The following RBM28 variants were observed in gnomAD, a reference collection of about 807,000 sequenced individuals.
The protein encoded by RBM28 is RNA binding motif protein 28.
A neutral mutation model predicts 98.3 loss-of-function variants in RBM28; 78 were observed. The ratio of observed to expected loss-of-function variants is 0.79; its 90% CI spans 0.66 to 0.96. The LOEUF (loss-of-function observed/expected upper bound fraction) is 0.96. RBM28 is among the 40% of genes least tolerant of loss of function. The probability of loss-of-function intolerance (pLI) is 0.00; values close to 1 mark genes in which losing one functional copy is unlikely to be tolerated. For synonymous variants in RBM28, 306 were observed against 330.9 expected (o/e 0.92, Z 0.82); for missense variants, 838 against 913.0 (o/e 0.92, Z 1.06).
intron 18 of RBM28, among the ~76,000 whole-genome samples, chr7:128,312,271 G>C (rs1796001042): frequency 6.6e-6 from 1 of 152,168 alleles, no homozygotes; most frequent in Non-Finnish European, 1.5e-5. Context: ...TACAAAATTA[G>C]CTGGGCATGG....
chr7:128,310,489 G>A lies in RBM28; in HGVS notation c.*308C>T, dbSNP rs1461427956. On this transcript the variant is annotated 3_prime_UTR_variant, in exon 19 of 19. Coordinates refer to ENST00000223073, the MANE Select transcript of RBM28 (RefSeq NM_018077.3). ...TTCAGCACTCCAGAATGCTTTTTCA[G>A]GTGTTTCCATTTGAGAAATAAAGAA... is the stretch of plus-strand genomic sequence containing the variant. 3 of 382,096 alleles carry A rather than the reference G, an allele frequency of 7.9e-6. No homozygotes were observed. The highest frequency in any genetic ancestry group is 1.4e-5 in the Non-Finnish European group (3 of 208,614). 23.7% of individuals were successfully genotyped at this position (382,096 alleles called of 1,614,324 possible).
chr7:128,337,260 A>AG, intron 5 of RBM28, 58 bp from the exon 6 acceptor site: 1 of 1,529,112 alleles, frequency 6.5e-7, no homozygotes, highest in South Asian at 1.1e-5. Context: ...CTACCTCTGT[A>AG]AATGACCCCT....
chr7:128,310,669 T>TCCAA lies in RBM28; in HGVS notation c.*127_*128insTTGG. The TCCAA allele has an allele frequency of 2.4e-6, 3 of 1,263,790 alleles. No homozygotes were observed. The Admixed American group carries it at 5.0e-5, about 21-fold the overall frequency. 78.3% of individuals were successfully genotyped at this position (1,263,790 alleles called of 1,614,324 possible). ...TCAGATGTACACAGTCCAGGGCACC[T>TCCAA]CCGAGCACAGTGGCAGTGCCCTTGG... On this transcript the variant is annotated 3_prime_UTR_variant, in exon 19 of 19. Coordinates refer to ENST00000223073, the MANE Select transcript of RBM28 (RefSeq NM_018077.3).
At position 128,314,927 on chromosome 7, in the gene RBM28, T is replaced by C; in HGVS notation, c.1882A>G (p.Thr628Ala). 1 of 1,614,190 alleles carries C rather than the reference T, an allele frequency of 6.2e-7. No individual in the cohort carries two copies. The highest frequency in any genetic ancestry group is 1.1e-5 in the South Asian group (1 of 91,084). The change falls in exon 17 of 19, where the codon ACA (threonine) becomes GCA (alanine). Residue 628 changes from threonine to alanine, a missense_variant. Thr to Ala is a moderately conservative substitution (Grantham distance 58). Coordinates refer to ENST00000223073, the MANE Select transcript of RBM28 (RefSeq NM_018077.3). ...GGGGGCACCTTGCTTTGTTCCTCTG[T>C]GTGGTGTTGAGCTGCCTTCTGTTGC... ...DQQQKAAQHH[T>A]EEQSKVPPEQ... is the part of the protein sequence containing the mutation.
chr7:128,315,014 T>C lies in RBM28; in HGVS notation c.1795A>G (p.Met599Val). ...ELRIQRSLQK[M>V]RSKPATGEPQ... The stretch of plus-strand genomic sequence containing the variant: ...TCACCAGTTGCAGGCTTGGATCTCA[T>C]TTTTTGCTGCATAAAACAAGAAAAT... The change falls in exon 17 of 19, where the codon ATG becomes GTG. Residue 599 changes from methionine to valine, a missense_variant. Transcript: ENST00000223073. 2.5e-6 allele frequency: 4 copies of C among 1,614,226 alleles called. No homozygotes were observed. The highest frequency in any genetic ancestry group is 3.4e-6 in the Non-Finnish European group (4 of 1,180,032).
intron 18 of RBM28, chr7:128,312,945 G>C: frequency 1.8e-6 from 1 of 564,004 alleles, no homozygotes; most frequent in Non-Finnish European, 3.2e-6. Context: ...ATGTTATGGG[G>C]AATATGTAAA....
chr7:128,310,324 A>AT lies in RBM28; in HGVS notation c.*472_*473insA. The AT allele has an allele frequency of 1.7e-5, 4 of 230,798 alleles. No homozygotes were observed. The highest frequency in any genetic ancestry group is 6.1e-5 in the South Asian group (1 of 16,294). 14.3% of individuals were successfully genotyped at this position (230,798 alleles called of 1,614,324 possible). A position where few individuals can be genotyped will look rare whatever the true frequency, so the allele number is the denominator to read the frequency against. ...TTAGACAGTTCCTGCAGTGTGTAAGACTACAGAGCTGAATTAGGAATGTCA... is the reference window on the plus strand; with the variant it reads ...TTAGACAGTTCCTGCAGTGTGTAAGATCTACAGAGCTGAATTAGGAATGTCA... On this transcript the variant is annotated 3_prime_UTR_variant, in exon 19 of 19. Transcript: ENST00000223073.
rs1795730476 is a variant in RBM28 at position 128,298,048 on chromosome 7, T to G, written c.*12749A>C. The G allele has an allele frequency of 3.2e-5, 1 of 31,540 alleles. No homozygotes were observed. Among genetic ancestry groups the G allele is most frequent in the African/African-American group, 3.9e-5 (1 of 25,928 alleles). 2.0% of individuals were successfully genotyped at this position (31,540 alleles called of 1,614,324 possible). The stretch of plus-strand genomic sequence containing the variant: ...ATATACCTAATGCTAGATGACGAGT[T>G]AGTGGGTGCAGCGACCAGCATGTCA... On this transcript the variant is annotated 3_prime_UTR_variant, in exon 19 of 19. Coordinates refer to ENST00000223073, the MANE Select transcript of RBM28 (RefSeq NM_018077.3).
At position 128,307,734 on chromosome 7, in the gene RBM28, T is replaced by C. The variant is rs1307997022; in HGVS notation, c.*3063A>G. 2 of 152,214 alleles carry C rather than the reference T, an allele frequency of 1.3e-5. No homozygotes were observed. The highest frequency in any genetic ancestry group is 2.9e-5 in the Non-Finnish European group (2 of 68,038). The allele number at this position is 152,214 out of a possible 1,614,324, so 9.4% of individuals were successfully genotyped here. A position where few individuals can be genotyped will look rare whatever the true frequency, so the allele number is the denominator to read the frequency against. On this transcript the variant is annotated 3_prime_UTR_variant, in exon 19 of 19. Coordinates refer to ENST00000223073, the MANE Select transcript of RBM28 (RefSeq NM_018077.3). ...AGGTTGTATCTCTAAGCCAGGCTATTATATAATCAAGCAGGAAAATACTAC... is the reference window on the plus strand; with the variant it reads ...AGGTTGTATCTCTAAGCCAGGCTATCATATAATCAAGCAGGAAAATACTAC...
rs1406351897 is a variant in RBM28, at chr7:128,306,308, A to G, written c.*4489T>C. The G allele has an allele frequency of 6.6e-6, 1 of 152,262 alleles. No individual in the cohort carries two copies. The highest frequency in any genetic ancestry group is 2.4e-5 in the African/African-American group (1 of 41,456). The allele number at this position is 152,262 out of a possible 1,614,324, so 9.4% of individuals were successfully genotyped here. ...GATTGGAATGGACAAGGCATAGCAG[A>G]AAGTACGGTGGTACACTCAAGGCAC... On this transcript the variant is annotated 3_prime_UTR_variant, in exon 19 of 19. Transcript: ENST00000223073.
chr7:128,338,406 T>C (rs1286525839), intron 4 of RBM28, 64 bp from the exon 5 acceptor site: 2 of 1,353,688 alleles, frequency 1.5e-6, no homozygotes, highest in African/African-American at 2.9e-5. Flanking sequence ...TACTAAGAAG[T>C]AAATTACTGC....
intron 1 of RBM28, among the ~76,000 whole-genome samples, chr7:128,342,027 A>G (rs929113239): frequency 6.6e-6 from 1 of 152,158 alleles, no homozygotes; most frequent in African/African-American, 2.4e-5. Context: ...GGCATGGTGA[A>G]GCACGTCTGT....
chr7:128,325,333 T>G (rs1353133612), intron 11 of RBM28, among the ~76,000 whole-genome samples: 1 of 152,224 alleles, frequency 6.6e-6, no homozygotes, highest in Non-Finnish European at 1.5e-5. Flanking sequence ...ATGTCTAGTA[T>G]TGTAAAGTAA....
intron 9 of RBM28, among the ~76,000 whole-genome samples, chr7:128,331,331 T>TCAA (rs1796476527): frequency 7.2e-6 from 1 of 139,404 alleles, no homozygotes; most frequent in South Asian, 2.3e-4. Flanking sequence ...TGTTATACCT[T>TCAA]AAAAAAAAAA....
intron 16 of RBM28, 96 bp from the exon 17 acceptor site, chr7:128,315,116 G>A: frequency 6.5e-7 from 1 of 1,541,858 alleles, no homozygotes; most frequent in East Asian, 2.2e-5. Flanking sequence ...CTAGATGAAA[G>A]AAGAGGAATT....
chr7:128,342,804 A>T (rs1300041863), intron 1 of RBM28, among the ~76,000 whole-genome samples: 1 of 151,610 alleles, frequency 6.6e-6, no homozygotes. Context: ...TACCAAAAAC[A>T]CCTCTGTTTC....
rs770174421 is a variant in RBM28 at position 128,313,325 on chromosome 7, C to A, written c.2046-51G>T. 4.6e-6 allele frequency: 7 copies of A among 1,537,582 alleles called. No individual in the cohort carries two copies. In the Admixed American group the frequency reaches 6.7e-5, roughly 15 times the overall value. On this transcript the variant is annotated intron_variant, in intron 17 of 18. Transcript: ENST00000223073. ...CTTGAGTCCTTCTTCTAATTTGACA[C>A]CCCTAGGTTCTCTTTGTACACTGGC...
chr7:128,341,903 G>A (rs923343970), intron 1 of RBM28, among the ~76,000 whole-genome samples: 7 of 152,136 alleles, frequency 4.6e-5, no homozygotes, highest in African/African-American at 1.7e-4. Context: ...AGGCGTGGTG[G>A]CACATGCCTG....
At chr7:128,341,101 A>G (rs1284914201) in intron 1 of RBM28, 2 of 1,236,884 alleles carry the variant, frequency 1.6e-6, no homozygotes, top group East Asian at 5.6e-5. Flanking sequence ...AGGACAGATC[A>G]AGAAGTCTGC....
Sources: gnomAD v4.1 joint callset for allele counts (sites outside exome capture counted in the v4.1 genomes callset) on GRCh38, gnomAD v4.1.1 for gene constraint, MANE v1.5 for transcripts, NCBI Gene and HGNC (gene_info 2026-07-23, HGNC 2026-07-21) for gene names.